AKAP9: variants seen among roughly 807,000 people sequenced by gnomAD.
AKAP9 encodes the protein A-kinase anchoring protein 9, also known as A-kinase anchor protein 9.
In AKAP9, 311 loss-of-function variants were observed where a neutral mutation model predicts 488.5. That is an observed-to-expected ratio of 0.64 (90% confidence interval 0.58 to 0.70). AKAP9 has a LOEUF of 0.70. Among genes scored for constraint, AKAP9 ranks in the 30% least tolerant of loss-of-function variants. The probability of loss-of-function intolerance (pLI) is 0.00; values close to 1 mark genes in which losing one functional copy is unlikely to be tolerated. For synonymous variants in AKAP9, 1,462 were observed against 1,483.5 expected (o/e 0.99, Z 0.33); for missense variants, 4,215 against 4,374.5 (o/e 0.96, Z 1.03).
rs748390840 is a variant in AKAP9, at chr7:92,038,693, T to C, written c.4613T>C (p.Ile1538Thr). 12 of 1,607,658 alleles carry C rather than the reference T, an allele frequency of 7.5e-6. No individual in the cohort carries two copies. Among genetic ancestry groups the C allele is most frequent in the African/African-American group, 1.3e-5 (1 of 74,450 alleles). ...TTATCAAATAGTGATCCCCATGATA[T>C]ACCAGAATCAAAGGACTGTGTGCTG... is the stretch of plus-strand genomic sequence containing the variant. The part of the protein sequence containing the change: ...ILLSNSDPHD[I>T]PESKDCVLTI... Residue 1538 changes from isoleucine to threonine, a missense_variant, in exon 17 of 50, where the codon ATA (isoleucine) becomes ACA (threonine). Transcript: ENST00000356239.
At position 92,091,598 on chromosome 7, in the gene AKAP9, C is replaced by CA. The variant is rs1352327833; in HGVS notation, c.9359-1487dup. 9.3e-3 allele frequency among the ~76,000 whole-genome samples: 1,204 copies of CA among 129,724 alleles called. 3 individuals are homozygous for CA. The highest frequency in any genetic ancestry group is 0.014 in the East Asian group (60 of 4,434). 85.1% of individuals were successfully genotyped at this position (129,724 alleles called of 152,430 possible). A position where few individuals can be genotyped will look rare whatever the true frequency, so the allele number is the denominator to read the frequency against. ...AAGACTCTGTCTCAAAAAAAAAAAA[C>CA]AAAAAAAAAAAACAAAGCAGAAGCA... is the stretch of plus-strand genomic sequence containing the variant. On this transcript the variant is annotated intron_variant, in intron 38 of 49. Coordinates refer to ENST00000356239, the MANE Select transcript of AKAP9 (RefSeq NM_005751.5).
In AKAP9 at chr7:91,957,472, G is replaced by A. The variant is rs562790710; in HGVS notation, c.49-16239G>A. ...CTTGGCATATCTAATCCTATGTGCT[G>A]TTCTATAAGAGGTACACTGGACTTC... On this transcript the variant is annotated intron_variant, in intron 1 of 49. Coordinates refer to ENST00000356239, the MANE Select transcript of AKAP9 (RefSeq NM_005751.5). 7.2e-5 allele frequency among the ~76,000 whole-genome samples: 11 copies of A among 152,246 alleles called. No individual in the cohort carries two copies. The South Asian group carries it at 2.3e-3, about 32-fold the overall frequency.
chr7:92,082,470 T>C (rs1213199622), intron 31 of AKAP9, 52 bp from the exon 32 acceptor site: 3 of 1,584,026 alleles, frequency 1.9e-6, no homozygotes, highest in Admixed American at 3.3e-5. Context: ...GCCTTGAATT[T>C]AGCTATATTT....
rs6949421 is a variant in AKAP9 at position 92,014,101 on chromosome 7, T to C, written c.3533-148T>C. On this transcript the variant is annotated intron_variant, in intron 9 of 49. Transcript: ENST00000356239. ...AAATCTCACAAAGTTTCTGAGACAA[T>C]GTTGAGCAATGGAAAATAACTCAAA... 0.013 allele frequency: 8,747 copies of C among 657,818 alleles called. 373 individuals carry two copies. Among genetic ancestry groups the C allele is most frequent in the African/African-American group, 0.11 (6,313 of 55,192 alleles). The allele number at this position is 657,818 out of a possible 1,614,324, so 40.7% of individuals were successfully genotyped here.
intron 14 of AKAP9, among the ~76,000 whole-genome samples, chr7:92,027,663 G>A (rs1183750662): frequency 1.7e-4 from 25 of 148,362 alleles, no homozygotes; most frequent in Non-Finnish European, 3.0e-4. Flanking sequence ...TGGCCGCCCC[G>A]TCTGGGATGT....
rs1563156880 is a variant in AKAP9, at chr7:92,104,822, TTGATG to T, written c.11331-855_11331-851del. Among the ~76,000 whole-genome samples, 23 of 152,312 alleles carry T rather than the reference TTGATG, an allele frequency of 1.5e-4. No homozygotes were observed. In the South Asian group the frequency reaches 4.6e-3, roughly 30 times the overall value. On this transcript the variant is annotated intron_variant, in intron 46 of 49. Transcript: ENST00000356239. ...ACCAGGGTAAGTGCTGGTAGATGCA[TTGATG>T]AAAAAATATATAATCCTGCCTAAAT...
At chr7:92,050,454 A>T (rs1807787610) in intron 21 of AKAP9, among the ~76,000 whole-genome samples, 1 of 152,106 alleles carries the variant, frequency 6.6e-6, no homozygotes, top group African/African-American at 2.4e-5. Flanking sequence ...TACTGCAGGA[A>T]TAGAAATCAA....
At chr7:91,977,509 T>A (rs1795854318) in intron 2 of AKAP9, among the ~76,000 whole-genome samples, 1 of 152,082 alleles carries the variant, frequency 6.6e-6, no homozygotes, top group African/African-American at 2.4e-5. Context: ...TGAGCCGAGA[T>A]CACGTCACTA....
At chr7:92,006,175 C>T (rs1363033658) in intron 8 of AKAP9, among the ~76,000 whole-genome samples, 5 of 150,992 alleles carry the variant, frequency 3.3e-5, no homozygotes, top group East Asian at 3.9e-4. Flanking sequence ...TTTTTTGAGA[C>T]AGGCTCTCAC....
chr7:92,039,354 A>G (rs1034592742), intron 17 of AKAP9, among the ~76,000 whole-genome samples: 1 of 152,250 alleles, frequency 6.6e-6, no homozygotes, highest in African/African-American at 2.4e-5. Context: ...TTGTACGTAC[A>G]TTAATTCTGT....
intron 1 of AKAP9, among the ~76,000 whole-genome samples, chr7:91,947,998 T>G (rs1372122551): frequency 6.6e-6 from 1 of 152,238 alleles, no homozygotes; most frequent in East Asian, 1.9e-4. Flanking sequence ...CAACGCACTC[T>G]CTGGATTTAC....
At chr7:92,021,068 A>G (rs1451894550) in intron 12 of AKAP9, among the ~76,000 whole-genome samples, 1 of 152,156 alleles carries the variant, frequency 6.6e-6, no homozygotes, top group Non-Finnish European at 1.5e-5. Context: ...CAAGAAGATC[A>G]TTGTCAATTA....
chr7:92,031,808 A>G (rs1804298443), intron 16 of AKAP9, among the ~76,000 whole-genome samples: 1 of 152,256 alleles, frequency 6.6e-6, no homozygotes, highest in South Asian at 2.1e-4. Flanking sequence ...TTCTTGATGT[A>G]GACTAGTAAT....
At chr7:92,077,092 C>CTTTTTTTTTTTTTTTTTTTTTTTTT (rs201649179) in intron 29 of AKAP9, 85 bp downstream of exon 29, 2 of 296,970 alleles carry the variant, frequency 6.7e-6, no homozygotes, top group African/African-American at 3.1e-5. Context: ...ATTATTATTT[C>CTTTTTTTTTTTTTTTTTTTTTTTTT]TTTCTTTTTT....
At chr7:91,957,477 A>G (rs1051353868) in intron 1 of AKAP9, among the ~76,000 whole-genome samples, 10 of 152,210 alleles carry the variant, frequency 6.6e-5, no homozygotes, top group Admixed American at 3.3e-4. Context: ...GTGCTGTTCT[A>G]TAAGAGGTAC....
intron 44 of AKAP9, chr7:92,100,180 G>C (rs1029149580): frequency 3.5e-5 from 11 of 313,590 alleles, no homozygotes; most frequent in Non-Finnish European, 6.7e-5. Context: ...TATCTCCAAA[G>C]CCAGATACTT....
intron 43 of AKAP9, 80 bp from the exon 44 acceptor site, chr7:92,099,607 C>A: frequency 1.5e-6 from 2 of 1,322,364 alleles, no homozygotes; most frequent in Non-Finnish European, 2.2e-6. Context: ...TTCTGTTGTT[C>A]TCGGTGCCTA....
chr7:91,976,727 A>G (rs1316223346), intron 2 of AKAP9, among the ~76,000 whole-genome samples: 5 of 144,874 alleles, frequency 3.5e-5, no homozygotes, highest in South Asian at 2.2e-4. Context: ...CAATTCATCT[A>G]TCTTGAAGTT....
At chr7:92,073,076 A>G (rs1186454015) in intron 28 of AKAP9, among the ~76,000 whole-genome samples, 1 of 152,176 alleles carries the variant, frequency 6.6e-6, no homozygotes, top group Non-Finnish European at 1.5e-5. Flanking sequence ...GCCATTCAAC[A>G]TTTAGTGAGC....
Sources: allele counts gnomAD v4.1 joint callset (sites outside exome capture counted in the v4.1 genomes callset), GRCh38; gene constraint gnomAD v4.1.1; transcripts MANE v1.5; gene names NCBI Gene and HGNC (gene_info 2026-07-23, HGNC 2026-07-21).